ACTR3C: variants seen among roughly 807,000 people sequenced by gnomAD.
ACTR3C encodes actin-related protein 3C.
A neutral mutation model predicts 26.3 loss-of-function variants in ACTR3C; 18 were observed. The ratio of observed to expected loss-of-function variants is 0.68; its 90% CI spans 0.47 to 1.01. The LOEUF (loss-of-function observed/expected upper bound fraction) is 1.01, where lower values mean the gene tolerates loss of function less well. ACTR3C is among the 50% of genes least tolerant of loss of function. ACTR3C has a pLI of 0.00. For synonymous variants in ACTR3C, 55 were observed against 94.5 expected (o/e 0.58, Z 2.42); for missense variants, 184 against 250.7 (o/e 0.73, Z 1.80).
the ACTR3C span, among the ~76,000 whole-genome samples, chr7:149,932,549 C>A: frequency 2.6e-5 from 4 of 152,176 alleles, no homozygotes. Context: ...TCAAGTCAAA[C>A]ACAACGACAA....
intron 6 of ACTR3C, chr7:150,264,839 A>G (rs1584869729): frequency 1.0e-6 from 1 of 982,918 alleles, no homozygotes; most frequent in East Asian, 1.1e-4. Context: ...GATAATCTGT[A>G]TCTGGTAGCA....
At chr7:150,100,300 T>G in the ACTR3C span, among the ~76,000 whole-genome samples, 1 of 151,674 alleles carries the variant, frequency 6.6e-6, no homozygotes, top group East Asian at 1.9e-4. Context: ...CATCCTGCTC[T>G]CAGCAGACAG....
At chr7:150,277,734 C>T (rs1320601901) in intron 6 of ACTR3C, among the ~76,000 whole-genome samples, 1 of 152,106 alleles carries the variant, frequency 6.6e-6, no homozygotes, top group Non-Finnish European at 1.5e-5. Flanking sequence ...GCTCTGGAGC[C>T]TCTCTCCTCT....
the ACTR3C span, among the ~76,000 whole-genome samples, chr7:150,005,610 A>AG: frequency 7.2e-5 from 11 of 151,918 alleles, no homozygotes; most frequent in East Asian, 3.9e-4. Context: ...CCATGTGGTG[A>AG]GGGGGGGAAG....
the ACTR3C span, among the ~76,000 whole-genome samples, chr7:150,167,023 T>TATATAC: frequency 6.7e-6 from 1 of 149,602 alleles, no homozygotes; most frequent in East Asian, 1.9e-4. Flanking sequence ...ACTGTGTATA[T>TATATAC]ATATATATAT....
the ACTR3C span, among the ~76,000 whole-genome samples, chr7:150,130,564 T>C: frequency 6.6e-6 from 1 of 152,344 alleles, no homozygotes. Context: ...AAGATACTCA[T>C]CATTTGTCAC....
intron 1 of ACTR3C, among the ~76,000 whole-genome samples, chr7:150,303,874 C>T (rs1433600763): frequency 1.3e-5 from 2 of 152,140 alleles, no homozygotes; most frequent in South Asian, 2.1e-4. Flanking sequence ...ATCAAAGCAT[C>T]AATGAATGCA....
At chr7:150,305,972 T>G (rs999182344) in intron 1 of ACTR3C, among the ~76,000 whole-genome samples, 2 of 152,138 alleles carry the variant, frequency 1.3e-5, no homozygotes, top group Non-Finnish European at 2.9e-5. Context: ...CTTTAACTAT[T>G]CCATTAACAT....
At chr7:150,227,702 T>TG in the ACTR3C span, among the ~76,000 whole-genome samples, 11 of 118,558 alleles carry the variant, frequency 9.3e-5, no homozygotes, top group African/African-American at 3.4e-4. Context: ...TTTTTTTTTG[T>TG]TTTTTTTTTT....
At chr7:150,270,589 C>T (rs1584884796) in intron 6 of ACTR3C, among the ~76,000 whole-genome samples, 1 of 151,154 alleles carries the variant, frequency 6.6e-6, no homozygotes, top group African/African-American at 2.5e-5. Context: ...GCAGGATCCA[C>T]GCACTCAACA....
intron 6 of ACTR3C, among the ~76,000 whole-genome samples, chr7:150,250,261 T>C (rs1353661815): frequency 1.4e-5 from 2 of 146,414 alleles, no homozygotes; most frequent in African/African-American, 5.3e-5. Flanking sequence ...TGGAGTGCAG[T>C]GGCGCGATCT....
At chr7:150,041,876 T>G in the ACTR3C span, among the ~76,000 whole-genome samples, 1 of 138,488 alleles carries the variant, frequency 7.2e-6, no homozygotes, top group Admixed American at 7.1e-5. Flanking sequence ...TCGTGAGGGT[T>G]GCCTCCCCCT....
At chr7:150,038,894 C>CCCT in the ACTR3C span, among the ~76,000 whole-genome samples, 28 of 111,604 alleles carry the variant, frequency 2.5e-4, 3 homozygotes, top group Non-Finnish European at 4.6e-4. Context: ...GGTGCCTCCC[C>CCCT]CCTGCGATGG....
At chr7:150,183,771 GCT>G in the ACTR3C span, among the ~76,000 whole-genome samples, 5 of 148,758 alleles carry the variant, frequency 3.4e-5, no homozygotes, top group African/African-American at 1.3e-4. Flanking sequence ...ATATGCTTTG[GCT>G]CTGTGTCCCC....
intron 6 of ACTR3C, among the ~76,000 whole-genome samples, chr7:150,280,733 A>G (rs1162552355): frequency 6.6e-6 from 1 of 152,044 alleles, no homozygotes; most frequent in African/African-American, 2.4e-5. Flanking sequence ...GCATTCCACG[A>G]TGTACATACC....
the ACTR3C span, among the ~76,000 whole-genome samples, chr7:150,091,987 CAAAAAAAAAAAAAAAAAAAAAAA>C: frequency 5.2e-5 from 1 of 19,416 alleles, no homozygotes; most frequent in East Asian, 4.4e-3. Flanking sequence ...GACTCCGTCT[CAAAAAAAAAAAAAAAAAAAAAAA>C]AAAAAAAAAA....
the ACTR3C span, among the ~76,000 whole-genome samples, chr7:150,125,007 C>A: frequency 2.6e-5 from 4 of 152,180 alleles, no homozygotes; most frequent in South Asian, 4.1e-4. Flanking sequence ...TTTGATTTCA[C>A]GCTTTTTGAC....
the ACTR3C span, among the ~76,000 whole-genome samples, chr7:149,960,865 C>T: frequency 2.6e-5 from 4 of 152,344 alleles, no homozygotes; most frequent in East Asian, 5.8e-4. Context: ...AGTGATTATG[C>T]AGGTGAGAAT....
At chr7:149,998,641 T>G in the ACTR3C span, among the ~76,000 whole-genome samples, 1 of 149,900 alleles carries the variant, frequency 6.7e-6, no homozygotes, top group African/African-American at 2.4e-5. Context: ...GGTAACCATC[T>G]CCACGATTAA....
Sources: gnomAD v4.1 joint callset for allele counts (sites outside exome capture counted in the v4.1 genomes callset) on GRCh38, gnomAD v4.1.1 for gene constraint, MANE v1.5 for transcripts, NCBI Gene and HGNC (gene_info 2026-07-23, HGNC 2026-07-21) for gene names.